The following RAB20 variants were observed in gnomAD, a reference collection of about 807,000 sequenced individuals.
The protein encoded by RAB20 is RAB20, member RAS oncogene family, also known as ras-related protein Rab-20.
A neutral mutation model predicts 3.7 loss-of-function variants in RAB20; 2 were observed. The ratio of observed to expected loss-of-function variants is 0.54; its 90% confidence interval spans 0.22 to 1.69. RAB20 has a LOEUF of 1.69. Among genes scored for constraint, RAB20 ranks in the 40% most tolerant of loss-of-function variants. The pLI, the probability that RAB20 is intolerant of heterozygous loss-of-function variation, is 0.19. For synonymous variants in RAB20, 126 were observed against 130.8 expected (o/e 0.96, Z 0.25); for missense variants, 276 against 311.9 (o/e 0.88, Z 0.87).
In RAB20 at chr13:110,536,720, T is replaced by TTTGGG. The variant is rs1203812612; in HGVS notation, c.173-12524_173-12523insCCCAA. ...CAGGAATATCTAAAATGGCTTTTTT[T>TTTGGG]TGGGGCGGTGGGGGGGGGTTGTTTT... On this transcript the variant is annotated intron_variant, in intron 1 of 1. Coordinates refer to ENST00000267328, the MANE Select transcript of RAB20 (RefSeq NM_017817.3). Among the ~76,000 whole-genome samples the TTTGGG allele has an allele frequency of 1.6e-3, 21 of 12,972 alleles. 2 individuals carry two copies. The East Asian group carries it at 0.027, about 16-fold the overall frequency. The allele number at this position is 12,972 out of a possible 152,430, so 8.5% of individuals were successfully genotyped here. A position where few individuals can be genotyped will look rare whatever the true frequency, so the allele number is the denominator to read the frequency against.
intron 1 of RAB20, among the ~76,000 whole-genome samples, chr13:110,550,110 A>T (rs1884926605): frequency 1.3e-5 from 2 of 152,196 alleles, no homozygotes; most frequent in Non-Finnish European, 2.9e-5. Context: ...AACAGGGTTC[A>T]GGGAGCTCCC....
chr13:110,549,328 G>C (rs981564832), intron 1 of RAB20, among the ~76,000 whole-genome samples: 6 of 152,228 alleles, frequency 3.9e-5, no homozygotes, highest in Admixed American at 3.9e-4. Flanking sequence ...CTGAATTCTT[G>C]AATGCAGATT....
chr13:110,544,212 G>A (rs951881149), intron 1 of RAB20, among the ~76,000 whole-genome samples: 3 of 152,152 alleles, frequency 2.0e-5, no homozygotes, highest in Admixed American at 6.5e-5. Context: ...GTAAACGTGT[G>A]GATTTGTTTC....
At chr13:110,527,494 A>G (rs567459419) in intron 1 of RAB20, among the ~76,000 whole-genome samples, 3 of 152,298 alleles carry the variant, frequency 2.0e-5, no homozygotes, top group African/African-American at 7.2e-5. Flanking sequence ...CTGAGGGTCA[A>G]AGTGCGAGAG....
intron 1 of RAB20, among the ~76,000 whole-genome samples, chr13:110,552,858 C>T (rs1169226090): frequency 2.0e-5 from 3 of 152,152 alleles, no homozygotes; most frequent in Non-Finnish European, 4.4e-5. Context: ...TCTCCTGAAC[C>T]ACAGTGCACT....
chr13:110,527,251 T>C (rs1396321348), intron 1 of RAB20, among the ~76,000 whole-genome samples: 1 of 151,988 alleles, frequency 6.6e-6, no homozygotes, highest in African/African-American at 2.4e-5. Context: ...TGGTCACCCC[T>C]TGGGCAACCC....
At chr13:110,544,944 T>C (rs1884827585) in intron 1 of RAB20, among the ~76,000 whole-genome samples, 1 of 152,186 alleles carries the variant, frequency 6.6e-6, no homozygotes, top group Non-Finnish European at 1.5e-5. Flanking sequence ...GCTACTCTTG[T>C]GGTAGTAAAT....
At chr13:110,524,322 G>A in intron 1 of RAB20, 125 bp from the exon 2 acceptor site, 1 of 1,359,846 alleles carries the variant, frequency 7.4e-7, no homozygotes, top group Non-Finnish European at 9.7e-7. Context: ...AGGATGAAAT[G>A]CTTAAACATA....
intron 1 of RAB20, among the ~76,000 whole-genome samples, chr13:110,558,702 T>G (rs1224512837): frequency 7.4e-6 from 1 of 134,542 alleles, no homozygotes; most frequent in Non-Finnish European, 1.6e-5. Context: ...CTGTTTTTTT[T>G]TTTTTTTTTT....
intron 1 of RAB20, among the ~76,000 whole-genome samples, chr13:110,538,818 G>A (rs921072107): frequency 3.9e-5 from 6 of 151,940 alleles, no homozygotes; most frequent in African/African-American, 7.3e-5. Context: ...CTTCCCTCAC[G>A]TTCTTACTCT....
At chr13:110,554,182 T>C (rs1048727038) in intron 1 of RAB20, among the ~76,000 whole-genome samples, 4 of 152,208 alleles carry the variant, frequency 2.6e-5, no homozygotes, top group Non-Finnish European at 4.4e-5. Flanking sequence ...AGGCTGTGCA[T>C]TCACTTTTGC....
chr13:110,536,310 C>T (rs1163856292), intron 1 of RAB20, among the ~76,000 whole-genome samples: 2 of 152,196 alleles, frequency 1.3e-5, no homozygotes, highest in African/African-American at 4.8e-5. Flanking sequence ...GTTTGAAGCC[C>T]TCCCACTTTG....
intron 1 of RAB20, among the ~76,000 whole-genome samples, chr13:110,529,942 C>G (rs1358729196): frequency 1.3e-5 from 2 of 152,222 alleles, no homozygotes; most frequent in East Asian, 3.8e-4. Flanking sequence ...AGGTCAATTA[C>G]CCCTGGTGGT....
intron 1 of RAB20, among the ~76,000 whole-genome samples, chr13:110,561,129 G>A (rs1483055191): frequency 6.6e-6 from 1 of 152,194 alleles, no homozygotes; most frequent in African/African-American, 2.4e-5. Flanking sequence ...ATGACCAGCG[G>A]GTTCTCTGCA....
At position 110,537,271 on chromosome 13, in the gene RAB20, C is replaced by T. The variant is rs372560701; in HGVS notation, c.173-13074G>A. ...ATTGGCCTCCCACATTGGCCTCCCA[C>T]GGTGCTGGGATTACAGGCATGAGCT... On this transcript the variant is annotated intron_variant, in intron 1 of 1. Transcript: ENST00000267328. 7.9e-5 allele frequency among the ~76,000 whole-genome samples: 12 copies of T among 151,958 alleles called. No individual in the cohort carries two copies. In the East Asian group the frequency reaches 1.4e-3, roughly 17 times the overall value.
At chr13:110,540,945 C>G (rs1232730053) in intron 1 of RAB20, among the ~76,000 whole-genome samples, 1 of 152,172 alleles carries the variant, frequency 6.6e-6, no homozygotes, top group Non-Finnish European at 1.5e-5. Context: ...AAGCCCCGCG[C>G]AGCTGCCCAT....
intron 1 of RAB20, among the ~76,000 whole-genome samples, chr13:110,547,806 A>C (rs887653431): frequency 6.6e-6 from 1 of 152,274 alleles, no homozygotes; most frequent in Non-Finnish European, 1.5e-5. Flanking sequence ...ATAAGGCCAA[A>C]GTCTGTAGAC....
At chr13:110,547,370 C>G (rs765908966) in intron 1 of RAB20, among the ~76,000 whole-genome samples, 109 of 152,350 alleles carry the variant, frequency 7.2e-4, no homozygotes, top group Middle Eastern at 3.4e-3. Context: ...AATCTTAACA[C>G]ATTGATCTCG....
At chr13:110,543,022 C>T (rs923050388) in intron 1 of RAB20, among the ~76,000 whole-genome samples, 1 of 152,210 alleles carries the variant, frequency 6.6e-6, no homozygotes, top group African/African-American at 2.4e-5. Context: ...GTACTGCTAA[C>T]TTGGCTGTCT....
Sources: allele counts gnomAD v4.1 joint callset (sites outside exome capture counted in the v4.1 genomes callset), GRCh38; gene constraint gnomAD v4.1.1; transcripts MANE v1.5; gene names NCBI Gene and HGNC (gene_info 2026-07-23, HGNC 2026-07-21).